Variants in KLRD1 observed in about 807,000 individuals in gnomAD.
KLRD1 encodes killer cell lectin like receptor D1.
In KLRD1, 21 loss-of-function variants were observed where a neutral mutation model predicts 22.6. The observed-to-expected ratio is 0.93, with a 90% CI of 0.66 to 1.34. The LOEUF is 1.34. Among genes scored for constraint, KLRD1 ranks in the 40% most tolerant of loss-of-function variants. The pLI, the probability that KLRD1 is intolerant of heterozygous loss-of-function variation, is 0.00. For synonymous variants in KLRD1, 59 were observed against 71.1 expected, an observed-to-expected ratio of 0.83 and a Z score of 0.85; for missense variants, 183 against 208.6, an observed-to-expected ratio of 0.88 and a Z score of 0.76.
chr12:10,300,121 A>T (rs1252092391), upstream of KLRD1, among the ~76,000 whole-genome samples: 1 of 152,158 alleles, frequency 6.6e-6, no homozygotes, highest in African/African-American at 2.4e-5. Context: ...TTAGTGTTGT[A>T]TTTTTGACTT....
chr12:10,270,369 C>T (rs1287879501), intron 1 of KLRD1, among the ~76,000 whole-genome samples: 1 of 152,114 alleles, frequency 6.6e-6, no homozygotes, highest in Admixed American at 6.6e-5. Flanking sequence ...CTCTTAGCTA[C>T]CATAGCTGCA....
chr12:10,304,099 A>G (rs908158947), upstream of KLRD1, among the ~76,000 whole-genome samples: 2 of 152,240 alleles, frequency 1.3e-5, no homozygotes, highest in Non-Finnish European at 2.9e-5. Flanking sequence ...GCATCCTCAG[A>G]GATTTCACCC....
intron 1 of KLRD1, among the ~76,000 whole-genome samples, chr12:10,245,775 A>G (rs901900063): frequency 6.6e-6 from 1 of 152,104 alleles, no homozygotes; most frequent in African/African-American, 2.4e-5. Flanking sequence ...TTTATTTCCT[A>G]TTATAGTTTC....
chr12:10,293,425 T>C (rs1429866301), intron 1 of KLRD1, among the ~76,000 whole-genome samples: 2 of 151,688 alleles, frequency 1.3e-5, no homozygotes, highest in Non-Finnish European at 2.9e-5. Flanking sequence ...TTCAGTGTTG[T>C]TGTGTTTCAG....
At chr12:10,262,416 T>C (rs1271372756) in intron 1 of KLRD1, among the ~76,000 whole-genome samples, 2 of 152,140 alleles carry the variant, frequency 1.3e-5, no homozygotes, top group African/African-American at 4.8e-5. Flanking sequence ...TTTTGCATTA[T>C]TGTTTTCAAT....
chr12:10,285,063 A>T, intron 1 of KLRD1, among the ~76,000 whole-genome samples: 1 of 152,232 alleles, frequency 6.6e-6, no homozygotes, highest in East Asian at 1.9e-4. Context: ...TGGTGAGAGA[A>T]CTATATATAA....
intron 1 of KLRD1, among the ~76,000 whole-genome samples, chr12:10,290,280 G>A (rs1949755320): frequency 6.6e-6 from 1 of 152,170 alleles, no homozygotes; most frequent in Non-Finnish European, 1.5e-5. Flanking sequence ...TTGTAGCTAC[G>A]AAATGGTCAT....
In KLRD1 at chr12:10,318,078, G is replaced by C. The variant is rs571962397; in HGVS notation, c.*3285G>C. Reference sequence around the variant, plus strand: ...TACAATTCAAGATGAGATTTGGGTGGGGACACAGCCAAGCCATATCAGTTA... The same window carrying C: ...TACAATTCAAGATGAGATTTGGGTGCGGACACAGCCAAGCCATATCAGTTA... On this transcript the variant is annotated 3_prime_UTR_variant, in exon 6 of 6. Transcript: ENST00000336164. The C allele has an allele frequency of 6.6e-6, 1 of 152,214 alleles. No homozygotes were observed. Among genetic ancestry groups the C allele is most frequent in the South Asian group, 2.1e-4 (1 of 4,820 alleles). 9.4% of individuals were successfully genotyped at this position (152,214 alleles called of 1,614,324 possible). A position where few individuals can be genotyped will look rare whatever the true frequency, so the allele number is the denominator to read the frequency against.
chr12:10,296,237 C>T (rs1300145894), intron 1 of KLRD1, among the ~76,000 whole-genome samples: 1 of 152,090 alleles, frequency 6.6e-6, no homozygotes, highest in Non-Finnish European at 1.5e-5. Flanking sequence ...ACAAAGGAGG[C>T]CGGGCACAGT....
intron 1 of KLRD1, among the ~76,000 whole-genome samples, chr12:10,270,832 G>A (rs928076470): frequency 1.3e-5 from 2 of 150,902 alleles, no homozygotes; most frequent in Non-Finnish European, 1.5e-5. Context: ...CGCCCAGGCT[G>A]GAGTGCAGTG....
chr12:10,304,760 T>C (rs2137680566), upstream of KLRD1, among the ~76,000 whole-genome samples: 1 of 152,314 alleles, frequency 6.6e-6, no homozygotes. Flanking sequence ...ATCTAATACA[T>C]CCTGCTAAAA....
At chr12:10,296,611 G>A (rs1949824572) in intron 1 of KLRD1, among the ~76,000 whole-genome samples, 1 of 152,120 alleles carries the variant, frequency 6.6e-6, no homozygotes, top group Admixed American at 6.5e-5. Context: ...GAACATTTAT[G>A]TTTTGATACC....
intron 1 of KLRD1, among the ~76,000 whole-genome samples, chr12:10,262,199 C>T (rs10734823): frequency 0.8 from 121,943 of 151,834 alleles, 53,497 homozygotes; most frequent in Non-Finnish European, 0.98. Context: ...AGAATGAATA[C>T]CACATTATAC....
At chr12:10,306,559 T>C (rs1248609879), upstream of KLRD1, among the ~76,000 whole-genome samples, 1 of 152,190 alleles carries the variant, frequency 6.6e-6, no homozygotes, top group South Asian at 2.1e-4. Context: ...TAATCTCCTA[T>C]ATTTTGAGGC....
At position 10,314,880 on chromosome 12, in the gene KLRD1, C is replaced by G; in HGVS notation, c.*87C>G. 1 of 1,248,266 alleles carries G rather than the reference C, an allele frequency of 8.0e-7. No individual in the cohort carries two copies. 77.3% of individuals were successfully genotyped at this position (1,248,266 alleles called of 1,614,324 possible). ...TGCATGTTATATTATTACTAATTGT[C>G]TACTTCTGGAGTCTATAAAATGTTT... On this transcript the variant is annotated 3_prime_UTR_variant, in exon 6 of 6. Coordinates refer to ENST00000336164, the MANE Select transcript of KLRD1 (RefSeq NM_002262.5).
intron 1 of KLRD1, among the ~76,000 whole-genome samples, chr12:10,246,311 A>G (rs1390175374): frequency 6.6e-6 from 1 of 152,132 alleles, no homozygotes; most frequent in Admixed American, 6.5e-5. Context: ...ACTAGTGAAC[A>G]TAAAATTACA....
At position 10,316,284 on chromosome 12, in the gene KLRD1, G is replaced by T. The variant is rs962884780; in HGVS notation, c.*1491G>T. On this transcript the variant is annotated 3_prime_UTR_variant, in exon 6 of 6. Transcript: ENST00000336164. ...GAAGGGATTATGCAGGTGTACACTA[G>T]GCCACTGGTGTACCAATTAGAAACC... 6.6e-6 allele frequency: 1 copy of T among 152,090 alleles called. No homozygotes were observed. The highest frequency in any genetic ancestry group is 2.4e-5 in the African/African-American group (1 of 41,412). 9.4% of individuals were successfully genotyped at this position (152,090 alleles called of 1,614,324 possible).
intron 1 of KLRD1, among the ~76,000 whole-genome samples, chr12:10,287,941 G>A (rs1055910331): frequency 4.9e-4 from 75 of 152,074 alleles, no homozygotes; most frequent in African/African-American, 1.6e-3. Context: ...GGTGGCGGGC[G>A]CCTGTAGTCC....
intron 1 of KLRD1, among the ~76,000 whole-genome samples, chr12:10,270,604 T>C (rs1949540348): frequency 1.3e-5 from 2 of 152,252 alleles, no homozygotes; most frequent in South Asian, 4.1e-4. Context: ...CCTCAGCTTG[T>C]GGGGAGTAAT....
Sources: allele counts gnomAD v4.1 joint callset (sites outside exome capture counted in the v4.1 genomes callset), GRCh38; gene constraint gnomAD v4.1.1; transcripts MANE v1.5; gene names NCBI Gene and HGNC (gene_info 2026-07-23, HGNC 2026-07-21).